Variants in ARMC2 observed in about 807,000 individuals in gnomAD.
ARMC2 encodes the protein armadillo repeat containing 2.
In ARMC2, 67 loss-of-function variants were observed where a neutral mutation model predicts 90.3. The ratio of observed to expected loss-of-function variants is 0.74; its 90% CI spans 0.61 to 0.91. ARMC2 has a LOEUF of 0.91. ARMC2 is among the 40% of genes least tolerant of loss of function. The pLI is 0.00. For synonymous variants in ARMC2, 393 were observed against 393.0 expected, an observed-to-expected ratio of 1.00 and a Z score of 0.00; for missense variants, 920 against 1,030.9, an observed-to-expected ratio of 0.89 and a Z score of 1.47.
chr6:108,956,079 C>T (rs1048805527), intron 13 of ARMC2, among the ~76,000 whole-genome samples: 1 of 152,184 alleles, frequency 6.6e-6, no homozygotes, highest in Admixed American at 6.5e-5. Context: ...TTTTCTGGCT[C>T]CTCAGGATCT....
At chr6:109,026,599 G>A in the ARMC2 span, among the ~76,000 whole-genome samples, 6 of 151,928 alleles carry the variant, frequency 3.9e-5, no homozygotes, top group Admixed American at 2.6e-4. Context: ...TCCCAGTTTC[G>A]GTTCAAGCGA....
chr6:108,998,046 A>G, the ARMC2 span, among the ~76,000 whole-genome samples: 1 of 152,220 alleles, frequency 6.6e-6, no homozygotes, highest in Non-Finnish European at 1.5e-5. Flanking sequence ...AATTCTGAAG[A>G]GAGAAATTTC....
At chr6:108,879,976 A>G in intron 5 of ARMC2, 1 of 469,560 alleles carries the variant, frequency 2.1e-6, no homozygotes, top group South Asian at 1.6e-5. Context: ...AAGCCTTACT[A>G]ATAAACTATC....
At chr6:108,874,015 C>T (rs1202336953) in intron 4 of ARMC2, among the ~76,000 whole-genome samples, 4 of 152,196 alleles carry the variant, frequency 2.6e-5, no homozygotes, top group Non-Finnish European at 5.9e-5. Flanking sequence ...TATTTGTGAA[C>T]CTGAACTGGT....
At chr6:108,987,382 CA>C in the ARMC2 span, 13 of 526,290 alleles carry the variant, frequency 2.5e-5, no homozygotes, top group African/African-American at 2.3e-4. Flanking sequence ...CTGCTTGTGC[CA>C]GCAGTGGTTT....
chr6:108,975,552 C>T (rs1321792802), downstream of ARMC2, among the ~76,000 whole-genome samples: 1 of 152,186 alleles, frequency 6.6e-6, no homozygotes, highest in Non-Finnish European at 1.5e-5. Context: ...AATGGTATTT[C>T]TAGTTCTAGA....
chr6:108,870,593 AAAGGAAAG>A (rs1562334819), intron 4 of ARMC2, among the ~76,000 whole-genome samples: 2 of 152,074 alleles, frequency 1.3e-5, no homozygotes, highest in Admixed American at 6.6e-5. Context: ...AGGAAAGAAA[AAAGGAAAG>A]AAGGAAAGAA....
intron 12 of ARMC2, among the ~76,000 whole-genome samples, chr6:108,948,055 G>A (rs114006195): frequency 6.6e-6 from 1 of 152,190 alleles, no homozygotes. Flanking sequence ...TGGAATTGGT[G>A]CTCTCTCTAA....
intron 17 of ARMC2, among the ~76,000 whole-genome samples, chr6:108,970,949 G>A (rs1441164578): frequency 2.0e-5 from 3 of 152,106 alleles, no homozygotes; most frequent in Admixed American, 6.5e-5. Flanking sequence ...CTGGCTGGGC[G>A]CTGTGGCTCA....
chr6:109,035,582 A>C, the ARMC2 span, among the ~76,000 whole-genome samples: 2 of 151,930 alleles, frequency 1.3e-5, no homozygotes, highest in Non-Finnish European at 2.9e-5. Flanking sequence ...GAACACAGTC[A>C]CTGACTCTTA....
At chr6:108,874,790 C>A (rs1028350897) in intron 4 of ARMC2, among the ~76,000 whole-genome samples, 3 of 151,450 alleles carry the variant, frequency 2.0e-5, no homozygotes. Context: ...CTCCCTGTGA[C>A]CTTAGACAGG....
chr6:108,929,833 C>G (rs1236437844), intron 11 of ARMC2, among the ~76,000 whole-genome samples: 1 of 152,130 alleles, frequency 6.6e-6, no homozygotes, highest in African/African-American at 2.4e-5. Context: ...CTTGGTCAGG[C>G]ACAGTGGCTC....
the ARMC2 span, among the ~76,000 whole-genome samples, chr6:109,033,883 T>C: frequency 2.6e-5 from 4 of 152,292 alleles, no homozygotes; most frequent in East Asian, 5.8e-4. Flanking sequence ...AAGATGACAA[T>C]CAGATGGACT....
At chr6:108,905,279 T>C (rs1035085818) in intron 8 of ARMC2, among the ~76,000 whole-genome samples, 1 of 152,228 alleles carries the variant, frequency 6.6e-6, no homozygotes, top group African/African-American at 2.4e-5. Context: ...GATAATGAAG[T>C]CTTTCATAAA....
At position 108,879,690 on chromosome 6, in the gene ARMC2, C is replaced by T. The variant is rs76986668; in HGVS notation, c.671+3340C>T. ...AATCTGTTAAGGCTTTCCATGTAAACGTTCAAACTATCATGGTTTGGAAAT... is the reference window on the plus strand; with the variant it reads ...AATCTGTTAAGGCTTTCCATGTAAATGTTCAAACTATCATGGTTTGGAAAT... On this transcript the variant is annotated intron_variant, in intron 5 of 17. Transcript: ENST00000392644. 4.2e-3 allele frequency among the ~76,000 whole-genome samples: 637 copies of T among 152,178 alleles called. 3 individuals are homozygous for T. The highest frequency in any genetic ancestry group is 0.014 in the African/African-American group (597 of 41,496).
At chr6:108,904,040 GGAGAT>G (rs1312108564) in intron 7 of ARMC2, among the ~76,000 whole-genome samples, 185 bp from the exon 8 acceptor site, 1 of 152,124 alleles carries the variant, frequency 6.6e-6, no homozygotes, top group Non-Finnish European at 1.5e-5. Context: ...CAACATGGTA[GGAGAT>G]GGATCAAAGG....
chr6:109,004,698 G>C, the ARMC2 span, among the ~76,000 whole-genome samples: 1 of 152,074 alleles, frequency 6.6e-6, no homozygotes, highest in East Asian at 1.9e-4. Context: ...CCAAATGCTA[G>C]GATTACAGGT....
At position 108,970,471 on chromosome 6, in the gene ARMC2, T is replaced by C. The variant is rs1016104795; in HGVS notation, c.2447-2886T>C. On this transcript the variant is annotated intron_variant, in intron 17 of 17. Coordinates refer to ENST00000392644, the MANE Select transcript of ARMC2 (RefSeq NM_032131.6). ...CTGCAACAGAATGCATTTTCTTTCT[T>C]TCTTTTCTTTTTCTTCTCTTTTCTT... Among the ~76,000 whole-genome samples, 10 of 151,358 alleles carry C rather than the reference T, an allele frequency of 6.6e-5. No homozygotes were observed. In the Admixed American group the frequency reaches 6.6e-4, roughly 10 times the overall value.
intron 10 of ARMC2, chr6:108,923,129 A>G (rs906873471): frequency 2.0e-5 from 3 of 152,168 alleles, no homozygotes; most frequent in Admixed American, 6.5e-5. Flanking sequence ...TCAGTGTGCT[A>G]TTTCTTGGTG....
Sources: gnomAD v4.1 joint callset for allele counts (sites outside exome capture counted in the v4.1 genomes callset) on GRCh38, gnomAD v4.1.1 for gene constraint, MANE v1.5 for transcripts, NCBI Gene and HGNC (gene_info 2026-07-23, HGNC 2026-07-21) for gene names.